The following AP3B1 variants were observed in gnomAD, a reference collection of about 807,000 sequenced individuals.
AP3B1 encodes the protein adaptor related protein complex 3 subunit beta 1.
A neutral mutation model predicts 132.5 loss-of-function variants in AP3B1; 61 were observed. The ratio of observed to expected loss-of-function variants is 0.46; its 90% CI spans 0.37 to 0.57. AP3B1 has a LOEUF of 0.57. AP3B1 is among the 20% of genes least tolerant of loss of function. The probability of loss-of-function intolerance (pLI) is 0.00; values close to 1 mark genes in which losing one functional copy is unlikely to be tolerated. For synonymous variants in AP3B1, 388 were observed against 438.3 expected (o/e 0.89, Z 1.43); for missense variants, 1,120 against 1,289.4 (o/e 0.87, Z 2.01).
At chr5:78,240,132 G>A (rs1021003089) in intron 3 of AP3B1, among the ~76,000 whole-genome samples, 7 of 152,130 alleles carry the variant, frequency 4.6e-5, no homozygotes, top group Non-Finnish European at 8.8e-5. Flanking sequence ...ATGTTCCCTG[G>A]ATTAGAATGT....
At chr5:78,096,981 C>A in intron 21 of AP3B1, among the ~76,000 whole-genome samples, 1 of 139,884 alleles carries the variant, frequency 7.1e-6, no homozygotes. Flanking sequence ...AGTCCCTCTG[C>A]CCGGCCAGCC....
At chr5:78,137,507 G>C (rs953916096) in intron 15 of AP3B1, among the ~76,000 whole-genome samples, 1 of 152,066 alleles carries the variant, frequency 6.6e-6, no homozygotes, top group Non-Finnish European at 1.5e-5. Context: ...TTTCCTTTTG[G>C]AGGTCTAGCC....
intron 22 of AP3B1, chr5:78,087,444 C>T (rs1419849637): frequency 1.3e-6 from 1 of 778,648 alleles, no homozygotes; most frequent in African/African-American, 1.9e-5. Context: ...CAGTTTATTT[C>T]TACACGTTCC....
chr5:78,139,713 A>G (rs1310054339), intron 15 of AP3B1, among the ~76,000 whole-genome samples: 1 of 152,200 alleles, frequency 6.6e-6, no homozygotes, highest in Non-Finnish European at 1.5e-5. Flanking sequence ...TTACTAGAAA[A>G]TAAGTGTGGT....
At position 78,240,950 on chromosome 5, in the gene AP3B1, AAAAC is replaced by A; in HGVS notation, c.205-18_205-15del. The A allele has an allele frequency of 6.4e-7, 1 of 1,569,244 alleles. No individual in the cohort carries two copies. Among genetic ancestry groups the A allele is most frequent in the Non-Finnish European group, 8.8e-7 (1 of 1,139,698 alleles). ...TTTTGCAATCATCTGAAGAATAAACAAAACAGACAATATGGGAAATTCTATATAT... is the reference window on the plus strand; with the variant it reads ...TTTTGCAATCATCTGAAGAATAAACAAGACAATATGGGAAATTCTATATAT... On this transcript the variant is annotated splice_polypyrimidine_tract_variant and intron_variant, in intron 2 of 26. Coordinates refer to ENST00000255194, the MANE Select transcript of AP3B1 (RefSeq NM_003664.5).
intron 26 of AP3B1, among the ~76,000 whole-genome samples, chr5:78,005,682 G>C (rs925507675): frequency 6.6e-6 from 1 of 152,180 alleles, no homozygotes; most frequent in African/African-American, 2.4e-5. Context: ...ATGTTTTAAA[G>C]CGGAAGACTA....
At chr5:78,127,971 T>G in intron 17 of AP3B1, 59 bp downstream of exon 17, 2 of 1,586,884 alleles carry the variant, frequency 1.3e-6, no homozygotes, top group Non-Finnish European at 1.7e-6. Flanking sequence ...TATAAAACAA[T>G]AGCTATCCTA....
intron 15 of AP3B1, among the ~76,000 whole-genome samples, chr5:78,138,969 C>CAA (rs34427836): frequency 0.025 from 954 of 38,648 alleles, 22 homozygotes; most frequent in African/African-American, 0.028. Flanking sequence ...AACTCTGTCT[C>CAA]AAAAAAAAAA....
At chr5:78,012,314 T>A (rs1746654877) in intron 26 of AP3B1, among the ~76,000 whole-genome samples, 1 of 151,500 alleles carries the variant, frequency 6.6e-6, no homozygotes, top group African/African-American at 2.4e-5. Context: ...TATTTCATTT[T>A]AAATGAAATT....
intron 7 of AP3B1, among the ~76,000 whole-genome samples, chr5:78,196,340 G>A (rs75663071): frequency 6.6e-6 from 1 of 152,102 alleles, no homozygotes; most frequent in Admixed American, 6.5e-5. Context: ...ACATTTATTA[G>A]AATGGACAAA....
intron 22 of AP3B1, among the ~76,000 whole-genome samples, chr5:78,052,663 A>ATAGGATATATTCAATT (rs2112127223): frequency 6.6e-6 from 1 of 152,224 alleles, no homozygotes; most frequent in Non-Finnish European, 1.5e-5. Flanking sequence ...GATCCCTGGT[A>ATAGGATATATTCAATT]TAGGATATAT....
chr5:78,291,177 T>C (rs1749497978), intron 1 of AP3B1, among the ~76,000 whole-genome samples: 2 of 152,134 alleles, frequency 1.3e-5, no homozygotes, highest in African/African-American at 2.4e-5. Context: ...GATAATACTA[T>C]GACTAGGAAG....
At position 78,294,671 on chromosome 5, in the gene AP3B1, G is replaced by C. The variant is rs1283482964; in HGVS notation, c.-92C>G. On this transcript the variant is annotated 5_prime_UTR_variant, in exon 1 of 27. Transcript: ENST00000255194. ...AGGGCACGGAACAAAACTAGTTCTCGTACGGAGGAGCGCGCGCAGGCGCTT... is the reference window on the plus strand; with the variant it reads ...AGGGCACGGAACAAAACTAGTTCTCCTACGGAGGAGCGCGCGCAGGCGCTT... 8.2e-6 allele frequency: 13 copies of C among 1,591,324 alleles called. No homozygotes were observed. The highest frequency in any genetic ancestry group is 1.1e-5 in the South Asian group (1 of 90,486).
At chr5:78,096,005 T>C (rs1183728439) in intron 21 of AP3B1, among the ~76,000 whole-genome samples, 1 of 152,180 alleles carries the variant, frequency 6.6e-6, no homozygotes, top group Non-Finnish European at 1.5e-5. Context: ...AAAGCTTGTG[T>C]CCCTGTCCCT....
At chr5:78,181,898 G>GATTTTGTAT (rs1744387820) in intron 7 of AP3B1, among the ~76,000 whole-genome samples, 1 of 152,106 alleles carries the variant, frequency 6.6e-6, no homozygotes, top group African/African-American at 2.4e-5. Context: ...GTATTACAAA[G>GATTTTGTAT]TAAATTTTTG....
At chr5:78,119,166 C>A (rs1561419828) in intron 17 of AP3B1, among the ~76,000 whole-genome samples, 1 of 152,096 alleles carries the variant, frequency 6.6e-6, no homozygotes, top group Non-Finnish European at 1.5e-5. Flanking sequence ...ACAGAAAGGA[C>A]ATCCACACCA....
intron 19 of AP3B1, 144 bp from the exon 20 acceptor site, chr5:78,110,498 C>A: frequency 3.3e-6 from 2 of 603,434 alleles, no homozygotes; most frequent in Non-Finnish European, 5.7e-6. Flanking sequence ...AGAACCCATT[C>A]AAATTCAATT....
At chr5:78,141,798 C>T (rs1753159175) in intron 14 of AP3B1, among the ~76,000 whole-genome samples, 1 of 152,138 alleles carries the variant, frequency 6.6e-6, no homozygotes, top group South Asian at 2.1e-4. Context: ...CCACAAAAAT[C>T]ATCCAGGGTT....
At chr5:78,101,074 C>T (rs374070251) in intron 20 of AP3B1, 49 bp from the exon 21 acceptor site, 16 of 1,173,720 alleles carry the variant, frequency 1.4e-5, no homozygotes, top group South Asian at 8.0e-5. Context: ...TTTTAAAAAT[C>T]TGTGGAGTAG....
Sources: gnomAD v4.1 joint callset for allele counts (sites outside exome capture counted in the v4.1 genomes callset) on GRCh38, gnomAD v4.1.1 for gene constraint, MANE v1.5 for transcripts, NCBI Gene and HGNC (gene_info 2026-07-23, HGNC 2026-07-21) for gene names.